The following CDH26 variants were observed in gnomAD, a reference collection of about 807,000 sequenced individuals.
The protein encoded by CDH26 is cadherin-like protein 26.
CDH26 carries 83 observed loss-of-function variants against 90.3 expected under a neutral mutation model. The ratio of observed to expected loss-of-function variants is 0.92; its 90% CI spans 0.77 to 1.10. The LOEUF is 1.10. Ranked by LOEUF, CDH26 falls within the 50% of genes least tolerant of loss-of-function variation. The probability of loss-of-function intolerance (pLI) is 0.00; values close to 1 mark genes in which losing one functional copy is unlikely to be tolerated. For synonymous variants in CDH26, 397 were observed against 396.3 expected, an observed-to-expected ratio of 1.00 and a Z score of -0.02; for missense variants, 1,013 against 1,037.6, an observed-to-expected ratio of 0.98 and a Z score of 0.33.
chr20:59,996,504 A>G (rs1164739697), intron 12 of CDH26, 127 bp from the exon 13 acceptor site: 3 of 1,613,140 alleles, frequency 1.9e-6, no homozygotes, highest in African/African-American at 2.7e-5. Flanking sequence ...AGCTACACAG[A>G]TGACTAAGAC....
chr20:59,958,573 C>G lies in CDH26; in HGVS notation c.-154C>G, dbSNP rs2061027148. Reference sequence around the variant, plus strand: ...GCAAGAAAAGCTGAAAAGGGAGGAGCAAGATGGGATGAAAGCATCTGGGCC... The same window carrying G: ...GCAAGAAAAGCTGAAAAGGGAGGAGGAAGATGGGATGAAAGCATCTGGGCC... On this transcript the variant is annotated 5_prime_UTR_variant, in exon 1 of 18. Transcript: ENST00000348616. 1 of 698,322 alleles carries G rather than the reference C, an allele frequency of 1.4e-6. No homozygotes were observed. The highest frequency in any genetic ancestry group is 2.2e-5 in the Admixed American group (1 of 44,620). The allele number at this position is 698,322 out of a possible 1,614,324, so 43.3% of individuals were successfully genotyped here. A position where few individuals can be genotyped will look rare whatever the true frequency, so the allele number is the denominator to read the frequency against.
chr20:59,973,620 CTATCTA>C (rs1446025361), intron 4 of CDH26, among the ~76,000 whole-genome samples: 1 of 152,164 alleles, frequency 6.6e-6, no homozygotes, highest in Non-Finnish European at 1.5e-5. Context: ...CATTTAGCTC[CTATCTA>C]TAAGTGAGAA....
chr20:60,017,028 G>A (rs2061910797), downstream of CDH26, among the ~76,000 whole-genome samples: 1 of 152,016 alleles, frequency 6.6e-6, no homozygotes, highest in African/African-American at 2.4e-5. Flanking sequence ...TATTTTTGTT[G>A]AGGGTTTTAA....
In CDH26 at chr20:59,971,944, C is replaced by T. The variant is rs1393583285; in HGVS notation, c.232-18C>T. ...TCTCATCCTCCTTTTTTCTTCTTTCCATTTTTCCTCCTTCCAGCTGTTCAA... is the reference window on the plus strand; with the variant it reads ...TCTCATCCTCCTTTTTTCTTCTTTCTATTTTTCCTCCTTCCAGCTGTTCAA... On this transcript the variant is annotated intron_variant, in intron 3 of 17. Transcript: ENST00000348616. 1.3e-5 allele frequency: 20 copies of T among 1,595,308 alleles called. No homozygotes were observed. The Admixed American group carries it at 1.4e-4, about 11-fold the overall frequency.
In CDH26 at chr20:59,989,092, T is replaced by G; in HGVS notation, c.1212T>G (p.Asn404Lys). ...TTCACCCCCAGAGCTTCATTGTCAATAAAGAGGAGGGCGCCAGGCCTGGGA... is the reference window on the plus strand; with the variant it reads ...TTCACCCCCAGAGCTTCATTGTCAAGAAAGAGGAGGGCGCCAGGCCTGGGA... ...PAFHPQSFIV[N>K]KEEGARPGTL... The change falls in exon 9 of 18, where the codon AAT becomes AAG. Residue 404 changes from asparagine to lysine, a missense_variant. Transcript: ENST00000348616. 5.0e-6 allele frequency: 8 copies of G among 1,613,986 alleles called. No homozygotes were observed. The highest frequency in any genetic ancestry group is 6.8e-6 in the Non-Finnish European group (8 of 1,180,010).
chr20:59,975,999 T>C (rs2061324191), intron 4 of CDH26, among the ~76,000 whole-genome samples: 1 of 152,222 alleles, frequency 6.6e-6, no homozygotes, highest in Non-Finnish European at 1.5e-5. Flanking sequence ...GTATGGACCT[T>C]ATCTATTTAT....
At chr20:59,967,693 A>G (rs899685616) in intron 1 of CDH26, among the ~76,000 whole-genome samples, 4 of 150,748 alleles carry the variant, frequency 2.7e-5, no homozygotes, top group African/African-American at 9.8e-5. Context: ...TGCTGGTTCT[A>G]ATCATACATT....
At chr20:59,977,522 T>C (rs1283252424) in intron 4 of CDH26, among the ~76,000 whole-genome samples, 1 of 150,972 alleles carries the variant, frequency 6.6e-6, no homozygotes, top group Non-Finnish European at 1.5e-5. Flanking sequence ...TTTCTTATAG[T>C]TCATATTTAT....
chr20:59,985,818 T>C (rs536147149), intron 7 of CDH26, among the ~76,000 whole-genome samples: 1 of 152,346 alleles, frequency 6.6e-6, no homozygotes, highest in South Asian at 2.1e-4. Context: ...AACTTTTACA[T>C]GCATTTTTTT....
In CDH26 at chr20:59,992,312, C is replaced by A; in HGVS notation, c.1284-66C>A. On this transcript the variant is annotated intron_variant, in intron 9 of 17. Transcript: ENST00000348616. This position sits in a 1 kb window ranked among gnomAD's most constrained non-coding sequence, Gnocchi z 5.0. ...CTATGACATATTTTGTTTTTTTATG[C>A]AACTTTTTTATCTTTTAATGTAAGT... The A allele has an allele frequency of 6.6e-7, 1 of 1,506,374 alleles. No homozygotes were observed. Among genetic ancestry groups the A allele is most frequent in the Non-Finnish European group, 8.9e-7 (1 of 1,118,016 alleles). The allele number at this position is 1,506,374 out of a possible 1,614,324, so 93.3% of individuals were successfully genotyped here. A position where few individuals can be genotyped will look rare whatever the true frequency, so the allele number is the denominator to read the frequency against.
At chr20:59,963,510 T>G (rs1427199176) in intron 1 of CDH26, among the ~76,000 whole-genome samples, 1 of 152,154 alleles carries the variant, frequency 6.6e-6, no homozygotes, top group Non-Finnish European at 1.5e-5. Flanking sequence ...TCCACATGCT[T>G]AACCAATACT....
In CDH26 at chr20:59,999,650, C is replaced by T. The variant is rs367650551; in HGVS notation, c.2084C>T (p.Thr695Met). Residue 695 changes from threonine (T) to methionine (M), a missense_variant, in exon 14 of 18, where the codon ACG (threonine) becomes ATG (methionine). Coordinates refer to ENST00000348616, the MANE Select transcript of CDH26 (RefSeq NM_177980.4). The stretch of plus-strand genomic sequence containing the variant: ...ATCTGCACAGCTGCAGCAGGACCCA[C>T]GCAGGGAGTTAAGGTAACATGCCCC... Reference protein sequence around the residue: ...LLICTAAAGPTQGVKDLEEVP... With the variant: ...LLICTAAAGPMQGVKDLEEVP... 49 of 1,613,996 alleles carry T rather than the reference C, an allele frequency of 3.0e-5. No homozygotes were observed. Among genetic ancestry groups the T allele is most frequent in the African/African-American group, 1.9e-4 (14 of 74,942 alleles).
chr20:59,998,235 G>C (rs2061626162), intron 13 of CDH26, among the ~76,000 whole-genome samples: 1 of 152,244 alleles, frequency 6.6e-6, no homozygotes, highest in Admixed American at 6.5e-5. Context: ...AGTCCCAGGA[G>C]CTGTGCCTCA....
intron 8 of CDH26, chr20:60,031,524 C>A (rs747468863): frequency 2.7e-4 from 282 of 1,028,858 alleles, no homozygotes; most frequent in Non-Finnish European, 3.2e-4. Context: ...AGAATTAAAT[C>A]AATTGAATTA....
At chr20:60,009,846 T>A (rs1046681101) in intron 17 of CDH26, among the ~76,000 whole-genome samples, 1 of 152,100 alleles carries the variant, frequency 6.6e-6, no homozygotes, top group African/African-American at 2.4e-5. Flanking sequence ...GGTCTGTCGC[T>A]AATTATCTAT....
At chr20:59,996,131 G>A (rs979136449) in intron 12 of CDH26, 77 bp downstream of exon 12, 5 of 1,436,626 alleles carry the variant, frequency 3.5e-6, no homozygotes, top group East Asian at 2.4e-5. Flanking sequence ...GGGCTTGCTG[G>A]GGTAGGGGAC....
exon 8 of CDH26, chr20:60,031,301 G>A (rs1315846356): frequency 1.9e-5 from 25 of 1,290,758 alleles, no homozygotes; most frequent in Admixed American, 7.5e-5. Flanking sequence ...ACAGCTGGGC[G>A]AGGATTGCCA....
At chr20:59,967,977 TTCTTTCTTTC>T (rs1569024821) in intron 1 of CDH26, among the ~76,000 whole-genome samples, 1 of 123,944 alleles carries the variant, frequency 8.1e-6, no homozygotes. Context: ...CTTTCTTTCT[TTCTTTCTTTC>T]TTTCTTTCTT....
At chr20:59,989,529 C>G (rs1183525736) in intron 9 of CDH26, among the ~76,000 whole-genome samples, 1 of 133,062 alleles carries the variant, frequency 7.5e-6, no homozygotes. Context: ...AGCGAGACTC[C>G]GTCTCAAAAA....
Sources: gnomAD v4.1 joint callset for allele counts (sites outside exome capture counted in the v4.1 genomes callset) on GRCh38, gnomAD v4.1.1 for gene constraint, Gnocchi (gnomAD v3.1) non-coding constraint, MANE v1.5 for transcripts, NCBI Gene and HGNC (gene_info 2026-07-23, HGNC 2026-07-21) for gene names.